NEDD4: variants seen among roughly 807,000 people sequenced by gnomAD.
The protein encoded by NEDD4 is E3 ubiquitin-protein ligase NEDD4.
Under a neutral mutation model 144.9 loss-of-function variants are expected in NEDD4, and 99 were observed. That is an observed-to-expected ratio of 0.68 (90% confidence interval 0.58 to 0.81). The LOEUF (loss-of-function observed/expected upper bound fraction) is 0.81. NEDD4 is among the 30% of genes least tolerant of loss of function. The pLI, the probability that NEDD4 is intolerant of heterozygous loss-of-function variation, is 0.00. For missense variants in NEDD4, 985 were observed against 1,065.9 expected, an observed-to-expected ratio of 0.92 and a Z score of 1.06; for synonymous variants, 318 against 350.6, an observed-to-expected ratio of 0.91 and a Z score of 1.04.
intron 17 of NEDD4, 29 bp from the exon 18 acceptor site, chr15:55,847,063 G>C (rs1312477782): frequency 1.3e-6 from 2 of 1,484,264 alleles, no homozygotes; most frequent in Non-Finnish European, 1.9e-6. Context: ...GAAAAATAAA[G>C]AAGTTTAGGT....
At chr15:55,898,009 T>C (rs1011862399) in intron 5 of NEDD4, among the ~76,000 whole-genome samples, 2 of 152,218 alleles carry the variant, frequency 1.3e-5, no homozygotes, top group African/African-American at 2.4e-5. Flanking sequence ...CATGATATTA[T>C]AACCCTGATC....
chr15:55,894,022 G>A (rs1191349142), intron 5 of NEDD4, among the ~76,000 whole-genome samples: 2 of 151,978 alleles, frequency 1.3e-5, no homozygotes, highest in African/African-American at 4.8e-5. Context: ...ATGTCAATGA[G>A]GAAATGGAGT....
intron 5 of NEDD4, among the ~76,000 whole-genome samples, chr15:55,880,259 G>A (rs1176727529): frequency 1.3e-5 from 2 of 151,912 alleles, no homozygotes; most frequent in African/African-American, 4.8e-5. Flanking sequence ...ACCATTGCAC[G>A]CTAGTCTGGG....
intron 4 of NEDD4, among the ~76,000 whole-genome samples, chr15:55,939,350 C>A (rs1385222457): frequency 6.6e-6 from 1 of 152,144 alleles, no homozygotes; most frequent in Non-Finnish European, 1.5e-5. Context: ...CTGTCTCCTA[C>A]CATCTTGTGG....
rs945709321 is a variant in NEDD4 at position 55,976,139 on chromosome 15, G to A, written c.46-9593C>T. On this transcript the variant is annotated intron_variant, in intron 1 of 28. Coordinates refer to ENST00000435532, the MANE Select transcript of NEDD4 (RefSeq NM_006154.4). ...TATACAAAAATCAAATCAAAACATT[G>A]AGGAAACTCTCCAGAACACTGGTCT... 6.6e-5 allele frequency among the ~76,000 whole-genome samples: 10 copies of A among 152,058 alleles called. 1 individual carries two copies. The highest frequency in any genetic ancestry group is 4.1e-4 in the South Asian group (2 of 4,820).
At position 55,836,210 on chromosome 15, in the gene NEDD4, G is replaced by A. The variant is rs552156689; in HGVS notation, c.2262+1579C>T. 5.1e-4 allele frequency among the ~76,000 whole-genome samples: 77 copies of A among 152,146 alleles called. 1 individual carries two copies. Among genetic ancestry groups the A allele is most frequent in the African/African-American group, 1.8e-3 (75 of 41,514 alleles). On this transcript the variant is annotated intron_variant, in intron 24 of 28. Transcript: ENST00000435532. ...CTTCTGTGCTCACCTAGCACTTTAT[G>A]CTTGCCTCTGTTCATTTCACTCTTT...
chr15:55,943,677 C>A (rs2037051383), intron 4 of NEDD4, among the ~76,000 whole-genome samples: 3 of 152,178 alleles, frequency 2.0e-5, no homozygotes, highest in Admixed American at 6.5e-5. Context: ...GGGGCAGAGC[C>A]CTCATGGAGA....
chr15:55,916,989 G>A, intron 5 of NEDD4: 2 of 1,349,814 alleles, frequency 1.5e-6, no homozygotes, highest in Non-Finnish European at 9.5e-7. Context: ...TAAAACATTA[G>A]ATACCAGATA....
chr15:55,963,908 T>C (rs1323676505), intron 2 of NEDD4, among the ~76,000 whole-genome samples: 6 of 152,152 alleles, frequency 3.9e-5, no homozygotes, highest in Non-Finnish European at 8.8e-5. Flanking sequence ...AAACTATGGA[T>C]TGATGGTTGT....
chr15:55,916,570 G>T (rs768227070), intron 5 of NEDD4: 1 of 1,614,064 alleles, frequency 6.2e-7, no homozygotes, highest in South Asian at 1.1e-5. Context: ...AGTGAAATCT[G>T]TAGACAGCTG....
At chr15:55,903,817 T>C (rs1595822104) in intron 5 of NEDD4, among the ~76,000 whole-genome samples, 1 of 104,444 alleles carries the variant, frequency 9.6e-6, no homozygotes, top group African/African-American at 4.0e-5. Context: ...AGAGTGAGAC[T>C]CCATCTCAAA....
chr15:55,915,385 GAGA>G (rs1238150207), intron 5 of NEDD4: 1 of 1,613,712 alleles, frequency 6.2e-7, no homozygotes, highest in South Asian at 1.1e-5. Context: ...ATGAGTAACT[GAGA>G]TGGTCCCCCT....
chr15:55,902,164 C>G (rs2035933469), intron 5 of NEDD4, among the ~76,000 whole-genome samples: 2 of 152,044 alleles, frequency 1.3e-5, no homozygotes, highest in South Asian at 2.1e-4. Flanking sequence ...TATTGGTAAC[C>G]CATGCATTAT....
rs567756659 is a variant in NEDD4 at position 55,891,195 on chromosome 15, G to T, written c.292-17187C>A. ...TTATTTAAAGCCAATGATCTGAAATGAGTTTCTTCACTTCTACATAAAATG... is the reference window on the plus strand; with the variant it reads ...TTATTTAAAGCCAATGATCTGAAATTAGTTTCTTCACTTCTACATAAAATG... On this transcript the variant is annotated intron_variant, in intron 5 of 28. Coordinates refer to ENST00000435532, the MANE Select transcript of NEDD4 (RefSeq NM_006154.4). Among the ~76,000 whole-genome samples, 15 of 152,308 alleles carry T rather than the reference G, an allele frequency of 9.8e-5. No homozygotes were observed. The South Asian group carries it at 3.1e-3, about 32-fold the overall frequency.
intron 1 of NEDD4, among the ~76,000 whole-genome samples, chr15:55,966,839 T>C (rs768060899): frequency 2.8e-4 from 43 of 152,178 alleles, no homozygotes; most frequent in Non-Finnish European, 4.7e-4. Flanking sequence ...AATAGGAATT[T>C]CCAATTATTG....
At chr15:55,991,068 A>G (rs1418786672) in intron 1 of NEDD4, among the ~76,000 whole-genome samples, 1 of 152,226 alleles carries the variant, frequency 6.6e-6, no homozygotes, top group Non-Finnish European at 1.5e-5. Flanking sequence ...ACTATTCACT[A>G]TATACTGATT....
chr15:55,920,128 C>G (rs1317205830), intron 5 of NEDD4, among the ~76,000 whole-genome samples: 1 of 152,034 alleles, frequency 6.6e-6, no homozygotes, highest in Non-Finnish European at 1.5e-5. Context: ...AAGTTCTCAG[C>G]TTCCTGGCCT....
intron 12 of NEDD4, among the ~76,000 whole-genome samples, chr15:55,854,570 A>C (rs1204857788): frequency 6.6e-6 from 1 of 152,178 alleles, no homozygotes. Flanking sequence ...AAAAGGCAAA[A>C]ACTGTAGCAA....
chr15:55,868,410 T>G (rs2034658732), intron 8 of NEDD4, among the ~76,000 whole-genome samples: 1 of 152,204 alleles, frequency 6.6e-6, no homozygotes, highest in Non-Finnish European at 1.5e-5. Context: ...AAATCTCATC[T>G]TGAATTGTAG....
Sources: allele counts gnomAD v4.1 joint callset (sites outside exome capture counted in the v4.1 genomes callset), GRCh38; gene constraint gnomAD v4.1.1; transcripts MANE v1.5; gene names NCBI Gene and HGNC (gene_info 2026-07-23, HGNC 2026-07-21).